SIAE: variants seen among roughly 807,000 people sequenced by gnomAD.
SIAE encodes the protein sialic acid acetylesterase.
SIAE carries 39 observed loss-of-function variants against 52.6 expected under a neutral mutation model. The ratio of observed to expected loss-of-function variants is 0.74; its 90% CI spans 0.57 to 0.97. The LOEUF (loss-of-function observed/expected upper bound fraction) is 0.97. Among genes scored for constraint, SIAE ranks in the 50% least tolerant of loss-of-function variants. SIAE has a pLI of 0.00. For missense variants in SIAE, 592 were observed against 662.1 expected (o/e 0.89, Z 1.16); for synonymous variants, 233 against 241.4 (o/e 0.97, Z 0.32).
chr11:124,641,931 G>C (rs1426225253), intron 7 of SIAE, among the ~76,000 whole-genome samples: 1 of 140,172 alleles, frequency 7.1e-6, no homozygotes, highest in East Asian at 2.1e-4. Flanking sequence ...CTGCACTCCA[G>C]CCTGGGCAAC....
In SIAE at chr11:124,645,148, C is replaced by G. The variant is rs1942913331; in HGVS notation, c.966+2217G>C. On this transcript the variant is annotated intron_variant, in intron 7 of 9. Transcript: ENST00000263593. The surrounding 1 kb of genome is among the most constrained non-coding windows in gnomAD (Gnocchi z 4.7). ...CTCAGACTCAGTCTGAACCATGACG[C>G]TGTCATGCTGGGTATTTCCCTTTGA... 1.3e-5 allele frequency among the ~76,000 whole-genome samples: 2 copies of G among 152,214 alleles called. No individual in the cohort carries two copies. Among genetic ancestry groups the G allele is most frequent in the Non-Finnish European group, 2.9e-5 (2 of 68,040 alleles).
Position 124,645,678 on chromosome 11 carries a change from G to A in SIAE, c.966+1687C>T, listed in dbSNP as rs1325324731. On this transcript the variant is annotated intron_variant, in intron 7 of 9. Coordinates refer to ENST00000263593, the MANE Select transcript of SIAE (RefSeq NM_170601.5). The surrounding 1 kb of genome is among the most constrained non-coding windows in gnomAD (Gnocchi z 4.7). ...CAACACATACTTTTGGTTTGAGTTG[G>A]CTAAAGTCATACTCAAATCACCATG... 6.6e-6 allele frequency among the ~76,000 whole-genome samples: 1 copy of A among 152,042 alleles called. No individual in the cohort carries two copies. Among genetic ancestry groups the A allele is most frequent in the Non-Finnish European group, 1.5e-5 (1 of 68,000 alleles).
At position 124,670,483 on chromosome 11, in the gene SIAE, C is replaced by T. The variant is rs1009662242; in HGVS notation, c.68-962G>A. The stretch of plus-strand genomic sequence containing the variant: ...AGGAAAAAAATAAAACAAATTATAT[C>T]CCAATTTATCTGAATAAAACAGACC... On this transcript the variant is annotated intron_variant, in intron 1 of 9. Transcript: ENST00000263593. This position sits in a 1 kb window ranked among gnomAD's most constrained non-coding sequence, Gnocchi z 4.5. Among the ~76,000 whole-genome samples the T allele has an allele frequency of 1.3e-5, 2 of 152,172 alleles. No individual in the cohort carries two copies. Among genetic ancestry groups the T allele is most frequent in the Non-Finnish European group, 2.9e-5 (2 of 68,028 alleles).
intron 7 of SIAE, among the ~76,000 whole-genome samples, chr11:124,641,502 T>C (rs1565408474): frequency 1.3e-5 from 2 of 152,366 alleles, no homozygotes; most frequent in Non-Finnish European, 2.9e-5. Flanking sequence ...GTAGAGGTGA[T>C]AGCTGCACGA....
intron 3 of SIAE, among the ~76,000 whole-genome samples, chr11:124,655,061 G>C (rs936366003): frequency 3.3e-5 from 5 of 152,136 alleles, no homozygotes; most frequent in African/African-American, 1.2e-4. Flanking sequence ...CCGTGAAGTA[G>C]CTGAGGCTAA....
At chr11:124,657,072 T>G (rs1272550106) in intron 3 of SIAE, among the ~76,000 whole-genome samples, 2 of 152,168 alleles carry the variant, frequency 1.3e-5, no homozygotes, top group Non-Finnish European at 2.9e-5. Context: ...GGAAATGAGA[T>G]AGCTCTTTTG....
At position 124,672,638 on chromosome 11, in the gene SIAE, C is replaced by A. The variant is rs867986256; in HGVS notation, c.67+1004G>T. ...TTTAACTGAAAACCTAATAAAATAT[C>A]TTTTCCCCACCTCATAAGATGGATC... is the stretch of plus-strand genomic sequence containing the variant. On this transcript the variant is annotated intron_variant, in intron 1 of 9. Transcript: ENST00000263593. 2.6e-5 allele frequency among the ~76,000 whole-genome samples: 4 copies of A among 152,288 alleles called. No individual in the cohort carries two copies. In the South Asian group the frequency reaches 6.2e-4, roughly 24 times the overall value.
chr11:124,672,285 G>T (rs947237023), intron 1 of SIAE, among the ~76,000 whole-genome samples: 2 of 152,178 alleles, frequency 1.3e-5, no homozygotes, highest in Non-Finnish European at 2.9e-5. Flanking sequence ...GGGGAAGAGA[G>T]GGCAGTGGTT....
intron 1 of SIAE, among the ~76,000 whole-genome samples, chr11:124,671,074 G>A (rs950694643): frequency 1.3e-5 from 2 of 152,168 alleles, no homozygotes; most frequent in African/African-American, 4.8e-5. Context: ...GTAGTCCATA[G>A]GCTAGGGGAA....
rs751105523 is a variant in SIAE, at chr11:124,649,694, G to A, written c.647C>T (p.Ser216Phe). ...TTCAATGGGTGTCCCGCCCCAGCTG[G>A]AGGCGATCAGCCCGATGGGATACTG... Reference protein sequence around the residue: ...TLQYPIGLIASSWGGTPIEAW... With the variant: ...TLQYPIGLIAFSWGGTPIEAW... Residue 216 changes from serine to phenylalanine, a missense_variant, in exon 5 of 10, where the codon TCC becomes TTC. Coordinates refer to ENST00000263593, the MANE Select transcript of SIAE (RefSeq NM_170601.5). 7.4e-5 allele frequency: 120 copies of A among 1,614,044 alleles called. No homozygotes were observed. Among genetic ancestry groups the A allele is most frequent in the Admixed American group, 1.3e-4 (8 of 59,984 alleles).
chr11:124,653,958 C>T (rs1437809888), intron 4 of SIAE, among the ~76,000 whole-genome samples: 1 of 152,128 alleles, frequency 6.6e-6, no homozygotes, highest in Non-Finnish European at 1.5e-5. Context: ...GTGGGCGGAT[C>T]ATGAGGTCAG....
chr11:124,635,597 T>G lies in SIAE; in HGVS notation c.*1354A>C, dbSNP rs1942712279. The G allele has an allele frequency of 6.6e-6, 1 of 152,198 alleles. No individual in the cohort carries two copies. The highest frequency in any genetic ancestry group is 1.5e-5 in the Non-Finnish European group (1 of 68,030). The allele number at this position is 152,198 out of a possible 1,614,324, so 9.4% of individuals were successfully genotyped here. ...CCACTAAAAATAAATTTACATATGA[T>G]TTCATTAATATATTCACTATCTAAA... On this transcript the variant is annotated 3_prime_UTR_variant, in exon 10 of 10. Coordinates refer to ENST00000263593, the MANE Select transcript of SIAE (RefSeq NM_170601.5).
intron 4 of SIAE, 75 bp from the exon 5 acceptor site, chr11:124,649,871 C>G: frequency 6.7e-7 from 1 of 1,482,718 alleles, no homozygotes; most frequent in East Asian, 2.3e-5. Flanking sequence ...CTAGGTGGGT[C>G]GAGGTGAGAA....
chr11:124,667,655 A>G (rs1225143033), intron 2 of SIAE, among the ~76,000 whole-genome samples: 1 of 151,470 alleles, frequency 6.6e-6, no homozygotes, highest in Non-Finnish European at 1.5e-5. Context: ...TTGTACCTGA[A>G]CTCCACCTCC....
At chr11:124,643,092 G>T (rs1470081735) in intron 7 of SIAE, among the ~76,000 whole-genome samples, 3 of 152,186 alleles carry the variant, frequency 2.0e-5, no homozygotes, top group Non-Finnish European at 4.4e-5. Flanking sequence ...AATGTGTGTT[G>T]TATTGTTTTA....
Position 124,669,249 on chromosome 11 carries a change from C to T in SIAE, c.229+111G>A, listed in dbSNP as rs796072970. 5.6e-5 allele frequency: 75 copies of T among 1,347,586 alleles called. 1 individual carries two copies. In the African/African-American group the frequency reaches 8.0e-4, roughly 14 times the overall value. 83.5% of individuals were successfully genotyped at this position (1,347,586 alleles called of 1,614,324 possible). On this transcript the variant is annotated intron_variant, in intron 2 of 9. Coordinates refer to ENST00000263593, the MANE Select transcript of SIAE (RefSeq NM_170601.5). ...TAACTTTTATGGATGAATGGACAGA[C>T]GGATGTAGGGACGGATGGATAATGT... is the stretch of plus-strand genomic sequence containing the variant.
chr11:124,663,708 A>G lies in SIAE; in HGVS notation c.230-2905T>C, dbSNP rs576721263. 2.0e-5 allele frequency among the ~76,000 whole-genome samples: 3 copies of G among 152,378 alleles called. No individual in the cohort carries two copies. The East Asian group carries it at 5.8e-4, about 29-fold the overall frequency. ...AAAAAGGCAAAAGCCACCATGTTTC[A>G]TAAGAACTGGCTGGTCCTTAGCTTA... is the stretch of plus-strand genomic sequence containing the variant. On this transcript the variant is annotated intron_variant, in intron 2 of 9. Transcript: ENST00000263593.
intron 9 of SIAE, among the ~76,000 whole-genome samples, chr11:124,638,050 C>A (rs540448095): frequency 6.6e-6 from 1 of 152,260 alleles, no homozygotes; most frequent in East Asian, 1.9e-4. Flanking sequence ...AGCAGAATGA[C>A]CCCTGCTAGG....
At chr11:124,656,681 A>G (rs1225272750) in intron 3 of SIAE, among the ~76,000 whole-genome samples, 8 of 152,206 alleles carry the variant, frequency 5.3e-5, no homozygotes, top group African/African-American at 1.9e-4. Flanking sequence ...AAACAAATAT[A>G]TCAGAAATAT....
Sources: allele counts gnomAD v4.1 joint callset (sites outside exome capture counted in the v4.1 genomes callset), GRCh38; gene constraint gnomAD v4.1.1; non-coding constraint Gnocchi (gnomAD v3.1); transcripts MANE v1.5; gene names NCBI Gene and HGNC (gene_info 2026-07-23, HGNC 2026-07-21).